Variants in RBFOX1 observed in about 807,000 individuals in gnomAD.
RBFOX1 encodes the protein RNA binding fox-1 homolog 1, also known as RNA binding protein fox-1 homolog 1.
A neutral mutation model predicts 57.7 loss-of-function variants in RBFOX1; 8 were observed. The observed-to-expected ratio is 0.14, with a 90% CI of 0.08 to 0.25. The LOEUF (loss-of-function observed/expected upper bound fraction) is 0.25, where lower values mean the gene tolerates loss of function less well. Among genes scored for constraint, RBFOX1 ranks in the 10% least tolerant of loss-of-function variants. The pLI, the probability that RBFOX1 is intolerant of heterozygous loss-of-function variation, is 1.00. For synonymous variants in RBFOX1, 326 were observed against 222.4 expected (o/e 1.47, Z -4.15); for missense variants, 611 against 548.5 (o/e 1.11, Z -1.14).
At chr16:6,003,309 G>A (rs994156168) in intron 4 of RBFOX1, among the ~76,000 whole-genome samples, 2 of 151,172 alleles carry the variant, frequency 1.3e-5, no homozygotes, top group Non-Finnish European at 3.0e-5. Flanking sequence ...GCAATGAGAG[G>A]GAAAGAGAAA....
chr16:6,816,730 A>ACT (rs71145301), intron 3 of RBFOX1, among the ~76,000 whole-genome samples: 65,007 of 139,230 alleles, frequency 0.47, 15,687 homozygotes, highest in Non-Finnish European at 0.51. Context: ...ACAGAGCAAG[A>ACT]CTGTCTCAAA....
In RBFOX1 at chr16:7,676,806, T is replaced by C. The variant is rs1256181831; in HGVS notation, c.963T>C (p.Pro321=). 1 of 1,613,344 alleles carries C rather than the reference T, an allele frequency of 6.2e-7. No individual in the cohort carries two copies. Among genetic ancestry groups the C allele is most frequent in the African/African-American group, 1.3e-5 (1 of 75,020 alleles). Residue 321 remains proline (P), a synonymous_variant, in exon 14 of 16, where the codon CCT becomes CCC. Coordinates refer to ENST00000550418, the MANE Select transcript of RBFOX1 (RefSeq NM_018723.4). The part of the protein sequence containing the change: ...GGYAAYRYAQ[P]TPATAAAYSD... ...ATGCTGCATACCGCTACGCCCAGCCTACCCCTGCCACTGCCGCTGCCTACA... is the reference window on the plus strand; with the variant it reads ...ATGCTGCATACCGCTACGCCCAGCCCACCCCTGCCACTGCCGCTGCCTACA...
intron 1 of RBFOX1, among the ~76,000 whole-genome samples, chr16:5,375,304 A>G (rs1276156066): frequency 6.6e-6 from 1 of 152,112 alleles, no homozygotes; most frequent in African/African-American, 2.4e-5. Flanking sequence ...GGAACCCACC[A>G]TAGGGAAAAC....
At chr16:6,071,759 C>T (rs545279830) in intron 1 of RBFOX1, among the ~76,000 whole-genome samples, 4 of 152,160 alleles carry the variant, frequency 2.6e-5, no homozygotes, top group Non-Finnish European at 5.9e-5. Context: ...CCCCGTGGCT[C>T]CTGGTTACCA....
chr16:7,134,766 C>T lies in RBFOX1; in HGVS notation c.27+82668C>T, dbSNP rs115435629. 4.5e-3 allele frequency among the ~76,000 whole-genome samples: 684 copies of T among 152,208 alleles called. 4 individuals carry two copies. The highest frequency in any genetic ancestry group is 0.015 in the African/African-American group (632 of 41,536). On this transcript the variant is annotated intron_variant, in intron 4 of 15. Transcript: ENST00000550418. The stretch of plus-strand genomic sequence containing the variant: ...TGCTGTAGATGGCTTGTGTGCTGTA[C>T]CGAATTTGCAAACAGGCTTCTGAGT...
chr16:6,654,838 A>G (rs1376768395), intron 3 of RBFOX1, among the ~76,000 whole-genome samples, 188 bp downstream of exon 3: 1 of 152,056 alleles, frequency 6.6e-6, no homozygotes, highest in Non-Finnish European at 1.5e-5. Context: ...GTTACTTCTG[A>G]TGGCTTCATG....
chr16:6,898,531 C>T (rs1260625406), intron 3 of RBFOX1, among the ~76,000 whole-genome samples: 1 of 152,088 alleles, frequency 6.6e-6, no homozygotes, highest in African/African-American at 2.4e-5. Flanking sequence ...AGTACAGACG[C>T]AAAGGAAACA....
chr16:5,397,811 T>C (rs9673238), intron 1 of RBFOX1, among the ~76,000 whole-genome samples: 2,725 of 152,332 alleles, frequency 0.018, 93 homozygotes, highest in African/African-American at 0.063. Context: ...ATTACTATTA[T>C]GTTGGGGTGA....
intron 3 of RBFOX1, among the ~76,000 whole-genome samples, chr16:5,800,874 A>G (rs1187250302): frequency 6.6e-6 from 1 of 152,110 alleles, no homozygotes; most frequent in Non-Finnish European, 1.5e-5. Flanking sequence ...AGGCGGTCCT[A>G]GGGCAAAAAT....
intron 1 of RBFOX1, among the ~76,000 whole-genome samples, chr16:6,186,147 C>T (rs1456404016): frequency 6.6e-6 from 1 of 152,054 alleles, no homozygotes; most frequent in Middle Eastern, 3.2e-3. Flanking sequence ...TCTGTAAACT[C>T]AACAAAACAA....
chr16:5,327,916 C>T (rs775243931), intron 1 of RBFOX1, among the ~76,000 whole-genome samples: 11 of 152,104 alleles, frequency 7.2e-5, no homozygotes, highest in Non-Finnish European at 5.9e-5. Context: ...ATGGTTGTAT[C>T]CCTTTCTGGC....
chr16:7,636,491 CGT>C (rs2061778768), intron 11 of RBFOX1, among the ~76,000 whole-genome samples: 1 of 152,220 alleles, frequency 6.6e-6, no homozygotes, highest in Non-Finnish European at 1.5e-5. Flanking sequence ...AGATGTTACA[CGT>C]GTATTTCCTG....
intron 3 of RBFOX1, among the ~76,000 whole-genome samples, chr16:5,705,418 T>C (rs957202529): frequency 6.6e-6 from 1 of 152,056 alleles, no homozygotes; most frequent in South Asian, 2.1e-4. Context: ...TGCACCACCA[T>C]GTACAGATAA....
At chr16:6,636,255 C>A (rs569866337) in intron 2 of RBFOX1, among the ~76,000 whole-genome samples, 4 of 152,276 alleles carry the variant, frequency 2.6e-5, no homozygotes, top group Non-Finnish European at 4.4e-5. Flanking sequence ...ACTGCAAGCT[C>A]TGCCTCCCGG....
chr16:5,836,987 A>G (rs1273139769), intron 3 of RBFOX1, among the ~76,000 whole-genome samples: 1 of 152,212 alleles, frequency 6.6e-6, no homozygotes, highest in Non-Finnish European at 1.5e-5. Flanking sequence ...AAACTGGGTC[A>G]TGTGATAGTC....
At chr16:6,104,571 C>T (rs1221214664) in intron 1 of RBFOX1, among the ~76,000 whole-genome samples, 3 of 152,232 alleles carry the variant, frequency 2.0e-5, no homozygotes, top group Admixed American at 6.5e-5. Flanking sequence ...CAGTCAATCT[C>T]TGTTCCCACC....
At chr16:7,654,933 G>C (rs1192972499) in intron 12 of RBFOX1, among the ~76,000 whole-genome samples, 4 of 152,188 alleles carry the variant, frequency 2.6e-5, no homozygotes, top group Non-Finnish European at 5.9e-5. Context: ...CTGCAGCTGA[G>C]AAACCCTGCT....
At chr16:6,814,473 A>G (rs193251572) in intron 3 of RBFOX1, among the ~76,000 whole-genome samples, 15 of 152,276 alleles carry the variant, frequency 9.9e-5, no homozygotes, top group Admixed American at 5.2e-4. Context: ...TGTGGCTTCT[A>G]GCTTCATGGG....
At chr16:7,284,687 C>T (rs1015589510) in intron 4 of RBFOX1, among the ~76,000 whole-genome samples, 1 of 152,144 alleles carries the variant, frequency 6.6e-6, no homozygotes, top group African/African-American at 2.4e-5. Context: ...GTGGTAGTTT[C>T]GGTGTTTAAT....
Sources: gnomAD v4.1 joint callset for allele counts (sites outside exome capture counted in the v4.1 genomes callset) on GRCh38, gnomAD v4.1.1 for gene constraint, MANE v1.5 for transcripts, NCBI Gene and HGNC (gene_info 2026-07-23, HGNC 2026-07-21) for gene names.